Variants in ZDHHC7 observed in about 807,000 individuals in gnomAD.
The protein encoded by ZDHHC7 is zDHHC palmitoyltransferase 7, also known as palmitoyltransferase ZDHHC7.
A neutral mutation model predicts 34.1 loss-of-function variants in ZDHHC7; 12 were observed. That is an observed-to-expected ratio of 0.35 (90% CI 0.23 to 0.57). The LOEUF (loss-of-function observed/expected upper bound fraction) is 0.57. Among genes scored for constraint, ZDHHC7 ranks in the 20% least tolerant of loss-of-function variants. The pLI, the probability that ZDHHC7 is intolerant of heterozygous loss-of-function variation, is 0.84. For missense variants in ZDHHC7, 388 were observed against 402.7 expected (o/e 0.96, Z 0.31); for synonymous variants, 185 against 155.4 (o/e 1.19, Z -1.42).
In ZDHHC7 at chr16:84,975,490, A is replaced by G. The variant is rs2072283391; in HGVS notation, c.*853T>C. The G allele has an allele frequency of 1.3e-5, 2 of 152,514 alleles. No individual in the cohort carries two copies. Among genetic ancestry groups the G allele is most frequent in the African/African-American group, 4.8e-5 (2 of 41,398 alleles). The allele number at this position is 152,514 out of a possible 1,614,324, so 9.4% of individuals were successfully genotyped here. Reference sequence around the variant, plus strand: ...GTTCCAAGGCCCTCAAGCACTCAAGATTTCTTTAAAAAATGAAAGCAGGAG... The same window carrying G: ...GTTCCAAGGCCCTCAAGCACTCAAGGTTTCTTTAAAAAATGAAAGCAGGAG... On this transcript the variant is annotated 3_prime_UTR_variant, in exon 8 of 8. Coordinates refer to ENST00000313732, the MANE Select transcript of ZDHHC7 (RefSeq NM_017740.3).
intron 4 of ZDHHC7, among the ~76,000 whole-genome samples, chr16:84,981,276 TAACTG>T (rs1197574950): frequency 6.6e-6 from 1 of 152,166 alleles, no homozygotes; most frequent in African/African-American, 2.4e-5. Context: ...GCCAGGCAGA[TAACTG>T]GACTGTGGCT....
intron 1 of ZDHHC7, among the ~76,000 whole-genome samples, chr16:85,006,924 C>T (rs879474533): frequency 6.6e-6 from 1 of 150,802 alleles, no homozygotes; most frequent in Non-Finnish European, 1.5e-5. Flanking sequence ...GCTCCTGTTT[C>T]CTCCAATTAG....
At chr16:84,994,195 T>A (rs1317017101) in intron 2 of ZDHHC7, among the ~76,000 whole-genome samples, 1 of 152,256 alleles carries the variant, frequency 6.6e-6, no homozygotes, top group Non-Finnish European at 1.5e-5. Context: ...GTCCCCCTCA[T>A]GCCTTGCATG....
At position 84,998,080 on chromosome 16, in the gene ZDHHC7, G is replaced by A. The variant is rs530442005; in HGVS notation, c.-103-2073C>T. Among the ~76,000 whole-genome samples, 6 of 145,182 alleles carry A rather than the reference G, an allele frequency of 4.1e-5. No homozygotes were observed. In the East Asian group the frequency reaches 8.5e-4, roughly 20 times the overall value. ...TCGAGACCAACCTAGCTACTAACAC[G>A]GTGAAACCCCGTCTCTACTAAAAAT... On this transcript the variant is annotated intron_variant, in intron 1 of 7. Coordinates refer to ENST00000313732, the MANE Select transcript of ZDHHC7 (RefSeq NM_017740.3).
intron 3 of ZDHHC7, among the ~76,000 whole-genome samples, chr16:84,986,494 G>A (rs929986630): frequency 2.0e-5 from 3 of 152,178 alleles, no homozygotes; most frequent in African/African-American, 7.2e-5. Flanking sequence ...AGGCATCCAC[G>A]GGGCTGGCAT....
chr16:84,995,754 C>G (rs2072568912), intron 2 of ZDHHC7, among the ~76,000 whole-genome samples, 168 bp downstream of exon 2: 1 of 152,242 alleles, frequency 6.6e-6, no homozygotes, highest in Non-Finnish European at 1.5e-5. Flanking sequence ...CAGATACACC[C>G]TCCTTTTAGG....
the ZDHHC7 span, among the ~76,000 whole-genome samples, chr16:85,025,139 A>G: frequency 1.3e-5 from 2 of 152,102 alleles, no homozygotes; most frequent in Non-Finnish European, 2.9e-5. Flanking sequence ...TTAGACAGGC[A>G]TGGCGGTGCG....
At chr16:85,017,887 T>TA in the ZDHHC7 span, among the ~76,000 whole-genome samples, 1 of 152,256 alleles carries the variant, frequency 6.6e-6, no homozygotes, top group Non-Finnish European at 1.5e-5. Context: ...GCTACCTCTA[T>TA]AGGTTTCTTT....
At chr16:85,027,629 C>T in the ZDHHC7 span, 1 of 152,242 alleles carries the variant, frequency 6.6e-6, no homozygotes, top group Admixed American at 6.5e-5. Flanking sequence ...CCTCGGGCCC[C>T]TCAGGCTCCG....
At chr16:84,976,570 A>C (rs1597527067) in intron 7 of ZDHHC7, 51 bp from the exon 8 acceptor site, 1 of 1,588,084 alleles carries the variant, frequency 6.3e-7, no homozygotes, top group Non-Finnish European at 8.5e-7. Flanking sequence ...AGCTCGGCAG[A>C]CCCCACCAAG....
chr16:85,025,369 C>G, the ZDHHC7 span, among the ~76,000 whole-genome samples: 1,057 of 152,092 alleles, frequency 6.9e-3, 7 homozygotes, highest in Non-Finnish European at 0.01. Flanking sequence ...GCCCCTGGAT[C>G]CTGCTGAGCC....
chr16:85,027,615 C>G, the ZDHHC7 span: 1 of 152,248 alleles, frequency 6.6e-6, no homozygotes, highest in Non-Finnish European at 1.5e-5. Context: ...CGAGCGTGGG[C>G]AGGCCTCGGG....
At chr16:85,018,931 T>C in the ZDHHC7 span, among the ~76,000 whole-genome samples, 3 of 152,152 alleles carry the variant, frequency 2.0e-5, no homozygotes, top group Non-Finnish European at 4.4e-5. Context: ...TTCCACAACC[T>C]GTGGTAGATG....
At chr16:84,995,399 G>T (rs1258460476) in intron 2 of ZDHHC7, among the ~76,000 whole-genome samples, 1 of 152,214 alleles carries the variant, frequency 6.6e-6, no homozygotes, top group African/African-American at 2.4e-5. Flanking sequence ...GCCAAGGCGA[G>T]TGGATCACTT....
At chr16:85,017,474 C>T in the ZDHHC7 span, among the ~76,000 whole-genome samples, 2 of 152,156 alleles carry the variant, frequency 1.3e-5, no homozygotes, top group African/African-American at 4.8e-5. Context: ...CATGCACATC[C>T]TATGCTCACC....
chr16:84,989,996 C>T (rs571559254), intron 3 of ZDHHC7, among the ~76,000 whole-genome samples: 21 of 152,238 alleles, frequency 1.4e-4, no homozygotes, highest in African/African-American at 4.8e-4. Flanking sequence ...TCTGTACGAT[C>T]GGCCCGAATG....
intron 2 of ZDHHC7, among the ~76,000 whole-genome samples, chr16:84,992,453 C>G (rs1486936800): frequency 1.3e-5 from 2 of 152,204 alleles, no homozygotes; most frequent in East Asian, 3.9e-4. Flanking sequence ...AGCCTAGTGA[C>G]AGAGTGACAC....
At chr16:85,014,555 A>T (rs1216259343), upstream of ZDHHC7, among the ~76,000 whole-genome samples, 1 of 152,196 alleles carries the variant, frequency 6.6e-6, no homozygotes, top group African/African-American at 2.4e-5. Flanking sequence ...TCTCCTAGTC[A>T]ACTACAGAAC....
rs1330183828 is a variant in ZDHHC7, at chr16:84,977,904, C to T, written c.619+20G>A. ...TAACAGCATGCAAAGCCAGGAATGA[C>T]ACATAGCCAGGGAACTTACCAGTCC... On this transcript the variant is annotated intron_variant, in intron 6 of 7. Coordinates refer to ENST00000313732, the MANE Select transcript of ZDHHC7 (RefSeq NM_017740.3). The T allele has an allele frequency of 6.3e-7, 1 of 1,599,930 alleles. No individual in the cohort carries two copies. The highest frequency in any genetic ancestry group is 1.7e-5 in the Admixed American group (1 of 59,280).
Sources: gnomAD v4.1 joint callset for allele counts (sites outside exome capture counted in the v4.1 genomes callset) on GRCh38, gnomAD v4.1.1 for gene constraint, MANE v1.5 for transcripts, NCBI Gene and HGNC (gene_info 2026-07-23, HGNC 2026-07-21) for gene names.